CDH8: variants seen among roughly 807,000 people sequenced by gnomAD.
CDH8 encodes cadherin 8, also known as cadherin-8.
A neutral mutation model predicts 68.1 loss-of-function variants in CDH8; 17 were observed. The observed-to-expected ratio is 0.25, with a 90% CI of 0.17 to 0.37. The LOEUF (loss-of-function observed/expected upper bound fraction) is 0.37, where lower values mean the gene tolerates loss of function less well. Among genes scored for constraint, CDH8 ranks in the 10% least tolerant of loss-of-function variants. CDH8 has a pLI of 1.00. For synonymous variants in CDH8, 372 were observed against 365.1 expected (o/e 1.02, Z -0.21); for missense variants, 763 against 999.3 (o/e 0.76, Z 3.19).
chr16:61,815,076 A>G (rs13330883), intron 7 of CDH8, among the ~76,000 whole-genome samples: 32,828 of 152,168 alleles, frequency 0.22, 4,075 homozygotes, highest in African/African-American at 0.35. Context: ...AGAACCATAG[A>G]TGCTGAAGAA....
chr16:61,816,848 A>T (rs1365128816), intron 7 of CDH8, among the ~76,000 whole-genome samples: 1 of 152,142 alleles, frequency 6.6e-6, no homozygotes, highest in Non-Finnish European at 1.5e-5. Flanking sequence ...CTGGGGAAAA[A>T]TTTTGAGCAG....
At chr16:61,961,568 A>G (rs942348674) in intron 2 of CDH8, among the ~76,000 whole-genome samples, 1 of 152,040 alleles carries the variant, frequency 6.6e-6, no homozygotes, top group Admixed American at 6.6e-5. Flanking sequence ...CTTTCATTCC[A>G]GTCTCTGCTC....
rs555166404 is a variant in CDH8 at position 61,938,626 on chromosome 16, G to A, written c.253-37153C>T. Among the ~76,000 whole-genome samples, 25 of 152,266 alleles carry A rather than the reference G, an allele frequency of 1.6e-4. No individual in the cohort carries two copies. The South Asian group carries it at 4.3e-3, about 26-fold the overall frequency. The stretch of plus-strand genomic sequence containing the variant: ...AGCTAGAAATAAAAAAATAAATAAA[G>A]TGCATCTGCCTGGTAACCTCTGGTT... On this transcript the variant is annotated intron_variant, in intron 2 of 11. Coordinates refer to ENST00000577390, the MANE Select transcript of CDH8 (RefSeq NM_001796.5).
rs1032281668 is a variant in CDH8 at position 61,813,579 on chromosome 16, AG to A, written c.1277+3899del. Among the ~76,000 whole-genome samples the A allele has an allele frequency of 5.1e-4, 77 of 152,294 alleles. 1 individual carries two copies. Among genetic ancestry groups the A allele is most frequent in the Admixed American group, 8.5e-4 (13 of 15,290 alleles). The stretch of plus-strand genomic sequence containing the variant: ...GGGGGAACAGGGTGGAGCCACGGGC[AG>A]GGGGAGAAGCCTGGTCTCCAGTTCC... On this transcript the variant is annotated intron_variant, in intron 7 of 11. Transcript: ENST00000577390.
intron 7 of CDH8, among the ~76,000 whole-genome samples, chr16:61,797,947 G>T (rs1389715983): frequency 1.3e-5 from 2 of 151,886 alleles, no homozygotes; most frequent in Non-Finnish European, 2.9e-5. Flanking sequence ...TTGTTTTAAA[G>T]TTTGTTCCAC....
At chr16:61,838,604 A>G (rs899850301) in intron 4 of CDH8, among the ~76,000 whole-genome samples, 1 of 152,114 alleles carries the variant, frequency 6.6e-6, no homozygotes, top group African/African-American at 2.4e-5. Flanking sequence ...GCTTCTTACA[A>G]TACAAAGAAT....
rs181392614 is a variant in CDH8 at position 61,916,119 on chromosome 16, G to A, written c.253-14646C>T. Among the ~76,000 whole-genome samples, 17 of 152,248 alleles carry A rather than the reference G, an allele frequency of 1.1e-4. No homozygotes were observed. The South Asian group carries it at 1.9e-3, about 17-fold the overall frequency. ...TAATTCTGAATATAGGAAAAAGCTCGATTCTCTCATTCCTTCCTCCAAGTA... is the reference window on the plus strand; with the variant it reads ...TAATTCTGAATATAGGAAAAAGCTCAATTCTCTCATTCCTTCCTCCAAGTA... On this transcript the variant is annotated intron_variant, in intron 2 of 11. Coordinates refer to ENST00000577390, the MANE Select transcript of CDH8 (RefSeq NM_001796.5).
intron 2 of CDH8, among the ~76,000 whole-genome samples, chr16:61,972,865 CAG>C (rs1016310104): frequency 3.3e-4 from 50 of 152,140 alleles, no homozygotes; most frequent in Non-Finnish European, 1.0e-4. Flanking sequence ...GATCTCCACT[CAG>C]AGAGAAAAGC....
intron 2 of CDH8, among the ~76,000 whole-genome samples, chr16:61,989,791 T>C (rs964654403): frequency 5.3e-5 from 8 of 151,650 alleles, no homozygotes; most frequent in African/African-American, 1.7e-4. Context: ...ACATTAATAC[T>C]TTCCCATAAT....
At chr16:61,817,351 C>T in intron 7 of CDH8, 128 bp downstream of exon 7, 1 of 837,332 alleles carries the variant, frequency 1.2e-6, no homozygotes, top group South Asian at 1.6e-5. Flanking sequence ...CAGTATGTGC[C>T]AACCAACATT....
Position 61,714,015 on chromosome 16 carries a change from G to A in CDH8, c.1537-57C>T, listed in dbSNP as rs1428181861. On this transcript the variant is annotated intron_variant, in intron 9 of 11. Coordinates refer to ENST00000577390, the MANE Select transcript of CDH8 (RefSeq NM_001796.5). The stretch of plus-strand genomic sequence containing the variant: ...GATGATTTCAGAGGCTCCTGCCATC[G>A]GTAAAAGCTTAGTGACATTCTTTTT... 8.9e-6 allele frequency: 9 copies of A among 1,015,512 alleles called. No individual in the cohort carries two copies. In the Middle Eastern group the frequency reaches 6.1e-4, roughly 69 times the overall value. 62.9% of individuals were successfully genotyped at this position (1,015,512 alleles called of 1,614,324 possible). A position where few individuals can be genotyped will look rare whatever the true frequency, so the allele number is the denominator to read the frequency against.
intron 2 of CDH8, among the ~76,000 whole-genome samples, chr16:61,986,323 T>A (rs532012490): frequency 9.9e-5 from 15 of 152,244 alleles, no homozygotes; most frequent in South Asian, 8.3e-4. Flanking sequence ...GACTCAAGGG[T>A]AGGTTGGATC....
intron 2 of CDH8, among the ~76,000 whole-genome samples, chr16:61,983,299 C>T (rs901869309): frequency 1.8e-4 from 28 of 152,094 alleles, no homozygotes; most frequent in Admixed American, 1.3e-4. Context: ...TTATTTTCGC[C>T]AAAGAATGGC....
At chr16:61,936,279 A>G (rs2143510227) in intron 2 of CDH8, among the ~76,000 whole-genome samples, 1 of 152,298 alleles carries the variant, frequency 6.6e-6, no homozygotes. Context: ...GAAATAATGA[A>G]TAATGAGAGG....
At chr16:62,018,113 A>G (rs1901986004) in intron 2 of CDH8, among the ~76,000 whole-genome samples, 1 of 152,198 alleles carries the variant, frequency 6.6e-6, no homozygotes, top group African/African-American at 2.4e-5. Flanking sequence ...ATAATCCTTG[A>G]AAAACTTCAG....
chr16:61,877,812 G>A (rs956969829), intron 3 of CDH8, among the ~76,000 whole-genome samples: 4 of 152,078 alleles, frequency 2.6e-5, no homozygotes, highest in African/African-American at 9.7e-5. Context: ...AGAGAATTTT[G>A]CTTCCTTCAA....
rs191211053 is a variant in CDH8, at chr16:61,832,698, T to C, written c.668-7519A>G. ...TTTAAAAGAAAATCAATTTAAATAA[T>C]AACAAGAAAAATATTAAGTTAGTGG... On this transcript the variant is annotated intron_variant, in intron 4 of 11. Coordinates refer to ENST00000577390, the MANE Select transcript of CDH8 (RefSeq NM_001796.5). Among the ~76,000 whole-genome samples the C allele has an allele frequency of 3.1e-3, 472 of 151,808 alleles. 2 individuals are homozygous for C. The highest frequency in any genetic ancestry group is 5.4e-3 in the Non-Finnish European group (365 of 67,814).
At chr16:61,721,814 A>G (rs1040215360) in intron 9 of CDH8, among the ~76,000 whole-genome samples, 6 of 150,800 alleles carry the variant, frequency 4.0e-5, no homozygotes, top group Admixed American at 6.6e-5. Flanking sequence ...CAGACTTTAA[A>G]ATTCATTTTT....
In CDH8 at chr16:61,652,278, TAAAAACGTAAACAGTGAA is replaced by T; in HGVS notation, c.*1312_*1329del. On this transcript the variant is annotated 3_prime_UTR_variant, in exon 12 of 12. Coordinates refer to ENST00000577390, the MANE Select transcript of CDH8 (RefSeq NM_001796.5). ...CCATGAAGATCAGGGATAGGAGTGC[TAAAAACGTAAACAGTGAA>T]ATTATGTACAAATCAGTTCCTGCTC... 2 of 985,226 alleles carry T rather than the reference TAAAAACGTAAACAGTGAA, an allele frequency of 2.0e-6. No individual in the cohort carries two copies. The highest frequency in any genetic ancestry group is 2.4e-6 in the Non-Finnish European group (2 of 829,790). 61.0% of individuals were successfully genotyped at this position (985,226 alleles called of 1,614,324 possible).
Sources: gnomAD v4.1 joint callset for allele counts (sites outside exome capture counted in the v4.1 genomes callset) on GRCh38, gnomAD v4.1.1 for gene constraint, MANE v1.5 for transcripts, NCBI Gene and HGNC (gene_info 2026-07-23, HGNC 2026-07-21) for gene names.